Variants in KIAA1755 observed in about 807,000 individuals in gnomAD.
KIAA1755 encodes the protein uncharacterized protein KIAA1755.
A neutral mutation model predicts 91.7 loss-of-function variants in KIAA1755; 68 were observed. That is an observed-to-expected ratio of 0.74 (90% confidence interval 0.61 to 0.91). The LOEUF is 0.91. Ranked by LOEUF, KIAA1755 falls within the 40% of genes least tolerant of loss-of-function variation. The probability of loss-of-function intolerance (pLI) is 0.00; values close to 1 mark genes in which losing one functional copy is unlikely to be tolerated. For missense variants in KIAA1755, 1,535 were observed against 1,494.4 expected (o/e 1.03, Z -0.45); for synonymous variants, 610 against 604.6 (o/e 1.01, Z -0.13).
intron 12 of KIAA1755, chr20:38,218,015 T>C: frequency 1.7e-6 from 1 of 588,898 alleles, no homozygotes; most frequent in South Asian, 2.1e-5. Context: ...AACTGCATTT[T>C]AAGAAACCCT....
rs2075484447 is a variant in KIAA1755 at position 38,213,388 on chromosome 20, G to A, written c.3257C>T (p.Ser1086Phe). The change falls in exon 14 of 14, where the codon TCC (serine) becomes TTC (phenylalanine). Residue 1086 changes from serine to phenylalanine, a missense_variant. Ser to Phe is a radical substitution (Grantham distance 155, BLOSUM62 -2). Transcript: ENST00000279024. Reference sequence around the variant, plus strand: ...TGGAGGCTGATCCCACCTCCCCTTGGAAGTGACCTCTACACTCACACCCTG... The same window carrying A: ...TGGAGGCTGATCCCACCTCCCCTTGAAAGTGACCTCTACACTCACACCCTG... ...KGQGVSVEVT[S>F]KGRWDQPPLD... is the part of the protein sequence containing the mutation. The A allele has an allele frequency of 6.2e-7, 1 of 1,602,320 alleles. No homozygotes were observed. The highest frequency in any genetic ancestry group is 1.3e-5 in the African/African-American group (1 of 74,680).
chr20:38,244,101 T>C (rs1294915748), intron 2 of KIAA1755, among the ~76,000 whole-genome samples: 2 of 152,198 alleles, frequency 1.3e-5, no homozygotes, highest in Non-Finnish European at 2.9e-5. Flanking sequence ...ACAATTAGAT[T>C]AAACTCACCT....
At position 38,212,724 on chromosome 20, in the gene KIAA1755, C is replaced by T. The variant is rs41310811; in HGVS notation, c.*318G>A. 4.0e-4 allele frequency: 96 copies of T among 242,166 alleles called. No homozygotes were observed. The highest frequency in any genetic ancestry group is 6.6e-4 in the Non-Finnish European group (82 of 124,888). The allele number at this position is 242,166 out of a possible 1,614,324, so 15.0% of individuals were successfully genotyped here. On this transcript the variant is annotated 3_prime_UTR_variant, in exon 14 of 14. Transcript: ENST00000279024. ...AGGTGGGTGTCTGCCTGCCTGCGAGCGAGACCTCTGGAGGGGTCTGTGCCG... is the reference window on the plus strand; with the variant it reads ...AGGTGGGTGTCTGCCTGCCTGCGAGTGAGACCTCTGGAGGGGTCTGTGCCG...
chr20:38,229,973 T>C (rs960898837), intron 5 of KIAA1755, among the ~76,000 whole-genome samples: 3 of 152,168 alleles, frequency 2.0e-5, no homozygotes, highest in East Asian at 1.9e-4. Flanking sequence ...ATGGCTCCAG[T>C]GGGGTGGGAT....
intron 1 of KIAA1755, among the ~76,000 whole-genome samples, chr20:38,250,465 T>C (rs998582763): frequency 4.0e-5 from 6 of 148,296 alleles, no homozygotes; most frequent in Non-Finnish European, 8.9e-5. Context: ...TGTGGTCATA[T>C]TATTATTATT....
At chr20:38,247,561 G>T (rs78208204) in intron 1 of KIAA1755, among the ~76,000 whole-genome samples, 1 of 152,144 alleles carries the variant, frequency 6.6e-6, no homozygotes, top group Admixed American at 6.5e-5. Context: ...CTATTACAGC[G>T]GTTCCCATCT....
Position 38,241,946 on chromosome 20 carries a change from A to G in KIAA1755, c.202-17T>C. On this transcript the variant is annotated splice_polypyrimidine_tract_variant and intron_variant, in intron 2 of 13. Transcript: ENST00000279024. The stretch of plus-strand genomic sequence containing the variant: ...GTAGGGAGCCTGTGGAGAGAAGGGG[A>G]TGGCATCAGAGAACCTGGCCCTGAA... 6.3e-7 allele frequency: 1 copy of G among 1,598,932 alleles called. No homozygotes were observed. Among genetic ancestry groups the G allele is most frequent in the Non-Finnish European group, 8.5e-7 (1 of 1,171,998 alleles).
chr20:38,258,816 G>A (rs1418410453), intron 1 of KIAA1755, among the ~76,000 whole-genome samples: 2 of 152,172 alleles, frequency 1.3e-5, no homozygotes, highest in Admixed American at 6.5e-5. Flanking sequence ...GCAAGGGAAG[G>A]AAATCTGCAC....
intron 1 of KIAA1755, among the ~76,000 whole-genome samples, chr20:38,251,734 T>G (rs1294508095): frequency 1.3e-5 from 2 of 151,872 alleles, no homozygotes; most frequent in Non-Finnish European, 2.9e-5. Flanking sequence ...CCCAGCTAAT[T>G]TTTGTAGTTT....
Position 38,213,379 on chromosome 20 carries a change from C to A in KIAA1755, c.3266G>T (p.Arg1089Met). The A allele has an allele frequency of 6.2e-7, 1 of 1,604,034 alleles. No individual in the cohort carries two copies. Among genetic ancestry groups the A allele is most frequent in the East Asian group, 2.2e-5 (1 of 44,554 alleles). The change falls in exon 14 of 14, where the codon AGG (arginine) becomes ATG (methionine). Residue 1089 changes from arginine (R) to methionine (M), a missense_variant. Coordinates refer to ENST00000279024, the MANE Select transcript of KIAA1755 (RefSeq NM_001029864.2). ...GVSVEVTSKG[R>M]WDQPPLDSLG... ...TGAGTCTAGTGGAGGCTGATCCCACCTCCCCTTGGAAGTGACCTCTACACT... is the reference window on the plus strand; with the variant it reads ...TGAGTCTAGTGGAGGCTGATCCCACATCCCCTTGGAAGTGACCTCTACACT...
chr20:38,221,609 G>C (rs1202004590), intron 10 of KIAA1755, among the ~76,000 whole-genome samples: 3 of 152,110 alleles, frequency 2.0e-5, no homozygotes, highest in Non-Finnish European at 4.4e-5. Flanking sequence ...CTGTAAAATA[G>C]GCATAATATC....
At chr20:38,228,734 C>T (rs548522768) in intron 5 of KIAA1755, among the ~76,000 whole-genome samples, 3 of 152,236 alleles carry the variant, frequency 2.0e-5, no homozygotes, top group African/African-American at 7.2e-5. Flanking sequence ...GGAAAGTTTT[C>T]CAGGGAAAGA....
chr20:38,255,470 C>T (rs990245250), intron 1 of KIAA1755, among the ~76,000 whole-genome samples: 1 of 152,188 alleles, frequency 6.6e-6, no homozygotes, highest in Admixed American at 6.5e-5. Flanking sequence ...TTCAGTAAAA[C>T]CTCCCAATTT....
intron 13 of KIAA1755, among the ~76,000 whole-genome samples, chr20:38,215,237 T>C (rs1275513350): frequency 6.6e-6 from 1 of 152,176 alleles, no homozygotes. Flanking sequence ...CCAGCCCAGT[T>C]CCAACAGCGA....
In KIAA1755 at chr20:38,260,513, C is replaced by T; in HGVS notation, c.-13G>A. 6.8e-7 allele frequency: 1 copy of T among 1,479,970 alleles called. No homozygotes were observed. The highest frequency in any genetic ancestry group is 8.9e-7 in the Non-Finnish European group (1 of 1,117,358). 91.7% of individuals were successfully genotyped at this position (1,479,970 alleles called of 1,614,324 possible). A position where few individuals can be genotyped will look rare whatever the true frequency, so the allele number is the denominator to read the frequency against. ...GGCGCGTTACCATGGTGACGGGCTG[C>T]CAGCGGCGGGCGGCGCGGCTCCTCT... On this transcript the variant is annotated 5_prime_UTR_variant, in exon 1 of 14. Transcript: ENST00000279024.
rs142050887 is a variant in KIAA1755 at position 38,239,403 on chromosome 20, G to C, written c.1747+125C>G. 3,560 of 760,632 alleles carry C rather than the reference G, an allele frequency of 4.7e-3. 86 individuals carry two copies. The African/African-American group carries it at 0.055, about 12-fold the overall frequency. The allele number at this position is 760,632 out of a possible 1,614,324, so 47.1% of individuals were successfully genotyped here. On this transcript the variant is annotated intron_variant, in intron 4 of 13. Transcript: ENST00000279024. ...GAAAGATGAGGAAACTGAGGCCCAA[G>C]GAGGCTTGGTCTAGAACCTAGGCCT...
rs565906736 is a variant in KIAA1755 at position 38,222,451 on chromosome 20, G to A, written c.2415C>T (p.Val805=). The A allele has an allele frequency of 5.0e-6, 8 of 1,612,628 alleles. No individual in the cohort carries two copies. In the African/African-American group the frequency reaches 8.0e-5, roughly 16 times the overall value. ...AGGAAAGGCCTGGACGTCTGTACCT[G>A]ACATCAGGGCTGAAGTCCAGCCTGC... is the stretch of plus-strand genomic sequence containing the variant. ...DASRLDFSPD[V]RSHLAAATAL... is the part of the protein sequence containing the mutation. Residue 805 remains valine (V), a splice_region_variant and synonymous_variant, in exon 10 of 14, where the codon GTC becomes GTT. Transcript: ENST00000279024.
rs1568760439 is a variant in KIAA1755, at chr20:38,239,747, GA to G, written c.1550-23del. ...CCAGCTGGGAAAAAGCAACAACAAA[GA>G]AAAGGACGTTAAGCAGAAGATGGGC... On this transcript the variant is annotated intron_variant, in intron 3 of 13. Coordinates refer to ENST00000279024, the MANE Select transcript of KIAA1755 (RefSeq NM_001029864.2). The G allele has an allele frequency of 1.9e-6, 3 of 1,605,320 alleles. No homozygotes were observed. The South Asian group carries it at 3.3e-5, about 18-fold the overall frequency.
intron 2 of KIAA1755, among the ~76,000 whole-genome samples, chr20:38,242,594 C>G (rs1020982446): frequency 3.3e-5 from 5 of 152,188 alleles, no homozygotes; most frequent in African/African-American, 9.7e-5. Context: ...CTTACATCAG[C>G]CTACAGTTGG....
Sources: allele counts gnomAD v4.1 joint callset (sites outside exome capture counted in the v4.1 genomes callset), GRCh38; gene constraint gnomAD v4.1.1; transcripts MANE v1.5; gene names NCBI Gene and HGNC (gene_info 2026-07-23, HGNC 2026-07-21).